CARMIL1: variants seen among roughly 807,000 people sequenced by gnomAD.
CARMIL1 encodes the protein F-actin-uncapping protein LRRC16A.
In CARMIL1, 90 loss-of-function variants were observed where a neutral mutation model predicts 177.1. The observed-to-expected ratio is 0.51, with a 90% CI of 0.43 to 0.61. CARMIL1 has a LOEUF of 0.61. Ranked by LOEUF, CARMIL1 falls within the 20% of genes least tolerant of loss-of-function variation. The pLI, the probability that CARMIL1 is intolerant of heterozygous loss-of-function variation, is 0.00. For synonymous variants in CARMIL1, 577 were observed against 606.2 expected, an observed-to-expected ratio of 0.95 and a Z score of 0.71; for missense variants, 1,380 against 1,667.0, an observed-to-expected ratio of 0.83 and a Z score of 3.00.
intron 26 of CARMIL1, 99 bp downstream of exon 26, chr6:25,540,177 G>T: frequency 8.9e-7 from 1 of 1,126,104 alleles, no homozygotes. Context: ...AGACTTGTAT[G>T]TGTGCATGCT....
At chr6:25,573,538 G>A (rs973352936) in intron 29 of CARMIL1, among the ~76,000 whole-genome samples, 1 of 124,140 alleles carries the variant, frequency 8.1e-6, no homozygotes, top group Non-Finnish European at 1.6e-5. Context: ...GCCAAAAGAC[G>A]CCTCTGCCAG....
chr6:25,521,308 A>G (rs1447248421), intron 23 of CARMIL1, among the ~76,000 whole-genome samples: 6 of 152,212 alleles, frequency 3.9e-5, no homozygotes, highest in Admixed American at 2.0e-4. Flanking sequence ...GTGCATGTGC[A>G]GTGGGTAAAC....
At chr6:25,413,188 C>T (rs77042711) in intron 2 of CARMIL1, among the ~76,000 whole-genome samples, 21,168 of 152,092 alleles carry the variant, frequency 0.14, 1,631 homozygotes, top group South Asian at 0.2. Context: ...TTATCTGTAA[C>T]GTACTTAGAG....
At chr6:25,450,988 C>CTTCTCTTCT (rs1562155632) in intron 8 of CARMIL1, among the ~76,000 whole-genome samples, 3 of 21,074 alleles carry the variant, frequency 1.4e-4, no homozygotes, top group East Asian at 2.2e-3. Flanking sequence ...TCTCCCCCTC[C>CTTCTCTTCT]CCTCTCCCCT....
intron 31 of CARMIL1, among the ~76,000 whole-genome samples, chr6:25,593,841 A>G (rs1439615383): frequency 6.6e-6 from 1 of 152,180 alleles, no homozygotes; most frequent in Non-Finnish European, 1.5e-5. Context: ...CCAGGATTAT[A>G]TCCCACTCCC....
chr6:25,610,034 G>T lies in CARMIL1; in HGVS notation c.3848-16G>T. The T allele has an allele frequency of 6.2e-7, 1 of 1,609,722 alleles. No homozygotes were observed. Among genetic ancestry groups the T allele is most frequent in the Admixed American group, 1.7e-5 (1 of 59,640 alleles). ...GTTTGTGGAACAGTTTGATTCACGTGTTTGTGTCTCCTTAGATGACATTCC... is the reference window on the plus strand; with the variant it reads ...GTTTGTGGAACAGTTTGATTCACGTTTTTGTGTCTCCTTAGATGACATTCC... On this transcript the variant is annotated splice_polypyrimidine_tract_variant and intron_variant, in intron 35 of 36. Coordinates refer to ENST00000329474, the MANE Select transcript of CARMIL1 (RefSeq NM_017640.6).
rs1303823773 is a variant in CARMIL1 at position 25,515,645 on chromosome 6, G to A, written c.1633-30G>A. 1.3e-6 allele frequency: 2 copies of A among 1,571,828 alleles called. No homozygotes were observed. Among genetic ancestry groups the A allele is most frequent in the Non-Finnish European group, 1.7e-6 (2 of 1,158,276 alleles). ...GAGTGGGTGCTGCTTTGATGAGACT[G>A]CTGAGTGCCGTGTGTCATTTGCTCC... On this transcript the variant is annotated intron_variant, in intron 20 of 36. Coordinates refer to ENST00000329474, the MANE Select transcript of CARMIL1 (RefSeq NM_017640.6). This position sits in a 1 kb window ranked among gnomAD's most constrained non-coding sequence, Gnocchi z 5.0.
At chr6:25,553,399 A>G (rs1465214197) in intron 27 of CARMIL1, among the ~76,000 whole-genome samples, 2 of 152,204 alleles carry the variant, frequency 1.3e-5, no homozygotes, top group African/African-American at 4.8e-5. Flanking sequence ...AAAAACAACA[A>G]GCCACTTTTT....
chr6:25,591,996 G>T (rs535636837), intron 31 of CARMIL1, among the ~76,000 whole-genome samples: 1 of 152,240 alleles, frequency 6.6e-6, no homozygotes, highest in Admixed American at 6.5e-5. Context: ...AGCAGGAAAA[G>T]AGAAATTTTT....
chr6:25,396,168 G>A lies in CARMIL1; in HGVS notation c.139-23946G>A, dbSNP rs190995835. Among the ~76,000 whole-genome samples, 514 of 96,798 alleles carry A rather than the reference G, an allele frequency of 5.3e-3. 1 individual carries two copies. The highest frequency in any genetic ancestry group is 0.02 in the African/African-American group (475 of 23,592). 63.5% of individuals were successfully genotyped at this position (96,798 alleles called of 152,430 possible). On this transcript the variant is annotated intron_variant, in intron 2 of 36. Transcript: ENST00000329474. ...TTTCAGGAAAATTTAAAATTATTCT[G>A]CTTTTTTTTTTTAAGACTGTCTACT...
chr6:25,367,918 C>T (rs981175344), intron 2 of CARMIL1, among the ~76,000 whole-genome samples: 1 of 152,206 alleles, frequency 6.6e-6, no homozygotes, highest in Non-Finnish European at 1.5e-5. Context: ...TGCCACCATA[C>T]CCGGCTGATT....
intron 12 of CARMIL1, among the ~76,000 whole-genome samples, chr6:25,484,275 C>T (rs1802415601): frequency 6.6e-6 from 1 of 152,202 alleles, no homozygotes; most frequent in Non-Finnish European, 1.5e-5. Context: ...CTCAGTCTCT[C>T]ACGGAATGTG....
chr6:25,437,611 C>T (rs1797345772), intron 5 of CARMIL1, among the ~76,000 whole-genome samples: 1 of 152,200 alleles, frequency 6.6e-6, no homozygotes. Context: ...GGCATCTCTA[C>T]AAGGACAGCC....
chr6:25,349,858 A>G (rs1787935472), intron 2 of CARMIL1, among the ~76,000 whole-genome samples: 1 of 151,680 alleles, frequency 6.6e-6, no homozygotes, highest in South Asian at 2.1e-4. Context: ...GCTCCCGAGT[A>G]GCTGGGATTA....
chr6:25,468,176 A>G (rs1292455755), intron 9 of CARMIL1, among the ~76,000 whole-genome samples: 2 of 151,182 alleles, frequency 1.3e-5, no homozygotes, highest in African/African-American at 4.8e-5. Flanking sequence ...AGCAATCACT[A>G]TTTCTAATTT....
At chr6:25,392,654 C>T (rs750129739) in intron 2 of CARMIL1, among the ~76,000 whole-genome samples, 6 of 152,110 alleles carry the variant, frequency 3.9e-5, no homozygotes, top group Admixed American at 2.0e-4. Context: ...GGATGTCATG[C>T]TAGATACATT....
intron 24 of CARMIL1, among the ~76,000 whole-genome samples, chr6:25,531,043 A>G (rs528076448): frequency 3.3e-4 from 51 of 152,340 alleles, no homozygotes; most frequent in African/African-American, 1.2e-3. Flanking sequence ...AGAGGGAGAA[A>G]GTTGAATGGT....
chr6:25,475,324 T>TG (rs1194513123), intron 11 of CARMIL1, among the ~76,000 whole-genome samples: 2 of 149,296 alleles, frequency 1.3e-5, no homozygotes, highest in East Asian at 4.0e-4. Flanking sequence ...GAATGGTGAC[T>TG]GGGGAGGCAG....
At chr6:25,375,762 C>T (rs1790908304) in intron 2 of CARMIL1, among the ~76,000 whole-genome samples, 1 of 152,074 alleles carries the variant, frequency 6.6e-6, no homozygotes, top group African/African-American at 2.4e-5. Flanking sequence ...TCTACTTGTT[C>T]TAGTCTAGCG....
Sources: gnomAD v4.1 joint callset for allele counts (sites outside exome capture counted in the v4.1 genomes callset) on GRCh38, gnomAD v4.1.1 for gene constraint, Gnocchi (gnomAD v3.1) non-coding constraint, MANE v1.5 for transcripts, NCBI Gene and HGNC (gene_info 2026-07-23, HGNC 2026-07-21) for gene names.